FZR1: variants seen among roughly 807,000 people sequenced by gnomAD.
FZR1 encodes fizzy-related protein homolog.
Under a neutral mutation model 63.6 loss-of-function variants are expected in FZR1, and 11 were observed. That is an observed-to-expected ratio of 0.17 (90% CI 0.11 to 0.29). FZR1 has a LOEUF of 0.29. Among genes scored for constraint, FZR1 ranks in the 10% least tolerant of loss-of-function variants. The pLI is 1.00. For missense variants in FZR1, 440 were observed against 687.5 expected (o/e 0.64, Z 4.03); for synonymous variants, 328 against 297.9 (o/e 1.10, Z -1.04).
At position 3,533,578 on chromosome 19, in the gene FZR1, G is replaced by A. The variant is rs1266571429; in HGVS notation, c.1347+180G>A. ...CTGGTTGTGTTGCCAGCGTTGGAAT[G>A]GGCTCTACCGAACTCCCCAGCCCTG... On this transcript the variant is annotated intron_variant, in intron 12 of 13. Transcript: ENST00000441788. The surrounding 1 kb of genome is among the most constrained non-coding windows in gnomAD (Gnocchi z 4.9). 3.4e-6 allele frequency: 2 copies of A among 590,382 alleles called. No homozygotes were observed. Among genetic ancestry groups the A allele is most frequent in the Non-Finnish European group, 6.1e-6 (2 of 328,462 alleles). The allele number at this position is 590,382 out of a possible 1,614,324, so 36.6% of individuals were successfully genotyped here. A position where few individuals can be genotyped will look rare whatever the true frequency, so the allele number is the denominator to read the frequency against.
At chr19:3,530,303 C>A (rs542251671) in intron 7 of FZR1, among the ~76,000 whole-genome samples, 1 of 103,740 alleles carries the variant, frequency 9.6e-6, no homozygotes, top group Non-Finnish European at 2.0e-5. Context: ...CAGGGGAGAG[C>A]GGAGGAGAGA....
At chr19:3,532,174 C>G in intron 10 of FZR1, 79 bp downstream of exon 10, 2 of 1,356,504 alleles carry the variant, frequency 1.5e-6, no homozygotes, top group South Asian at 3.0e-5. Flanking sequence ...AGAGCCTGGG[C>G]TGGGGCGGGC....
chr19:3,525,441 T>TTTTC lies in FZR1; in HGVS notation c.70-424_70-423insCTTT, dbSNP rs1485826761. On this transcript the variant is annotated intron_variant, in intron 2 of 13. Transcript: ENST00000441788. The surrounding 1 kb of genome is among the most constrained non-coding windows in gnomAD (Gnocchi z 4.2). ...CCCCTCCTTGGGTTTTCTTTTTTTT[T>TTTTC]TTTTTTTTTTTTTTTTTTTGAGACG... Among the ~76,000 whole-genome samples the TTTTC allele has an allele frequency of 7.5e-5, 10 of 133,984 alleles. No individual in the cohort carries two copies. Among genetic ancestry groups the TTTTC allele is most frequent in the African/African-American group, 2.3e-4 (8 of 35,370 alleles). 87.9% of individuals were successfully genotyped at this position (133,984 alleles called of 152,430 possible). A position where few individuals can be genotyped will look rare whatever the true frequency, so the allele number is the denominator to read the frequency against.
chr19:3,535,145 CT>C lies in FZR1; in HGVS notation c.*310del, dbSNP rs1168561678. The C allele has an allele frequency of 2.2e-6, 1 of 444,600 alleles. No homozygotes were observed. The highest frequency in any genetic ancestry group is 4.1e-6 in the Non-Finnish European group (1 of 242,014). The allele number at this position is 444,600 out of a possible 1,614,324, so 27.5% of individuals were successfully genotyped here. A position where few individuals can be genotyped will look rare whatever the true frequency, so the allele number is the denominator to read the frequency against. On this transcript the variant is annotated 3_prime_UTR_variant, in exon 14 of 14. Coordinates refer to ENST00000441788, the MANE Select transcript of FZR1 (RefSeq NM_016263.4). ...CTGTACTCAGAGCGACGGATGCCCC[CT>C]GGGACCCTCACTGCCTCCGTCTGTT...
Position 3,525,940 on chromosome 19 carries a change from T to G in FZR1, c.142T>G (p.Phe48Val). ...CTCGCCCAGCAAGCACGGAGACCGC[T>G]TCATCCCCTCCAGAGCCGGAGCCAA... ...VSSPSKHGDR[F>V]IPSRAGANWS... is the part of the protein sequence containing the mutation. Residue 48 changes from phenylalanine to valine, a missense_variant, in exon 3 of 14, where the codon TTC becomes GTC. Phe to Val is a conservative substitution (Grantham distance 50). Around this residue, in one of 5 missense-constraint regions of FZR1, gnomAD observed 200 missense variants for 245.1 expected, o/e 0.82. Coordinates refer to ENST00000441788, the MANE Select transcript of FZR1 (RefSeq NM_016263.4). This position sits in a 1 kb window ranked among gnomAD's most constrained non-coding sequence, Gnocchi z 4.2. The G allele has an allele frequency of 6.2e-7, 1 of 1,612,492 alleles. No homozygotes were observed. Among genetic ancestry groups the G allele is most frequent in the Non-Finnish European group, 8.5e-7 (1 of 1,179,898 alleles).
intron 8 of FZR1, 66 bp downstream of exon 8, chr19:3,530,923 T>G: frequency 7.7e-7 from 1 of 1,292,478 alleles, no homozygotes; most frequent in Non-Finnish European, 1.1e-6. Flanking sequence ...GTTGGGGGCC[T>G]TGAAGACCCA....
chr19:3,526,623 G>A lies in FZR1; in HGVS notation c.387+237G>A, dbSNP rs1599784341. Among the ~76,000 whole-genome samples the A allele has an allele frequency of 6.6e-6, 1 of 152,316 alleles. No homozygotes were observed. Among genetic ancestry groups the A allele is most frequent in the Non-Finnish European group, 1.5e-5 (1 of 68,018 alleles). Reference sequence around the variant, plus strand: ...GGGAGGAATCCAGGCTCAGCCTGTTGGGCTTTTTCTCCCCACACCAATGCT... The same window carrying A: ...GGGAGGAATCCAGGCTCAGCCTGTTAGGCTTTTTCTCCCCACACCAATGCT... On this transcript the variant is annotated intron_variant, in intron 5 of 13. Coordinates refer to ENST00000441788, the MANE Select transcript of FZR1 (RefSeq NM_016263.4). This position sits in a 1 kb window ranked among gnomAD's most constrained non-coding sequence, Gnocchi z 5.4.
intron 1 of FZR1, among the ~76,000 whole-genome samples, chr19:3,519,997 T>G (rs965789579): frequency 6.6e-6 from 1 of 151,546 alleles, no homozygotes; most frequent in African/African-American, 2.4e-5. Flanking sequence ...CTGCGTAGAT[T>G]CCCTGTTCAT....
At chr19:3,531,673 C>G in intron 8 of FZR1, 41 bp from the exon 9 acceptor site, 1 of 1,422,836 alleles carries the variant, frequency 7.0e-7, no homozygotes, top group Non-Finnish European at 9.7e-7. Flanking sequence ...GTCCCCGGGC[C>G]AGACCTGACA....
chr19:3,534,229 A>T (rs1365473458), intron 12 of FZR1, 192 bp from the exon 13 acceptor site: 40 of 107,946 alleles, frequency 3.7e-4, no homozygotes, highest in African/African-American at 1.0e-3. Flanking sequence ...CTTAAAATTA[A>T]AAAAAAAAAA....
At chr19:3,529,897 AGAGTGGTTGAGG>A (rs1213285555) in intron 7 of FZR1, among the ~76,000 whole-genome samples, 4 of 68,046 alleles carry the variant, frequency 5.9e-5, no homozygotes, top group Admixed American at 1.8e-4. Flanking sequence ...AGCGGATGGG[AGAGTGGTTGAGG>A]GAGCGGATGG....
chr19:3,526,359 C>A lies in FZR1; in HGVS notation c.360C>A (p.Ser120=). 6.3e-7 allele frequency: 1 copy of A among 1,597,688 alleles called. No individual in the cohort carries two copies. Among genetic ancestry groups the A allele is most frequent in the East Asian group, 2.3e-5 (1 of 43,792 alleles). Residue 120 remains serine, a synonymous_variant, in exon 5 of 14, where the codon TCC becomes TCA. Transcript: ENST00000441788. The surrounding 1 kb of genome is among the most constrained non-coding windows in gnomAD (Gnocchi z 5.4). Reference sequence around the variant, plus strand: ...CTGAGGACCGCAGGCTGCAGCCCTCCACGCCTGAGAAGAAGGGTCTGTTCA... The same window carrying A: ...CTGAGGACCGCAGGCTGCAGCCCTCAACGCCTGAGAAGAAGGGTCTGTTCA... ...PQTEDRRLQP[S]TPEKKGLFTY...
intron 1 of FZR1, among the ~76,000 whole-genome samples, chr19:3,522,307 T>C (rs1219197071): frequency 6.6e-6 from 1 of 152,218 alleles, no homozygotes; most frequent in East Asian, 1.9e-4. Flanking sequence ...TCACCGCCAC[T>C]TTTCTTCACA....
rs1410370601 is a variant in FZR1, at chr19:3,533,226, TGAGG to T, written c.1243-67_1243-64del. On this transcript the variant is annotated intron_variant, in intron 11 of 13. Coordinates refer to ENST00000441788, the MANE Select transcript of FZR1 (RefSeq NM_016263.4). The surrounding 1 kb of genome is among the most constrained non-coding windows in gnomAD (Gnocchi z 4.9). ...TCACATGGGCTCAGGCGGGTGCATG[TGAGG>T]CAGCAGGCATAGCACCCGGCCTCGT... The T allele has an allele frequency of 3.8e-5, 36 of 958,860 alleles. No individual in the cohort carries two copies. Among genetic ancestry groups the T allele is most frequent in the Non-Finnish European group, 5.4e-5 (32 of 593,370 alleles). The allele number at this position is 958,860 out of a possible 1,614,324, so 59.4% of individuals were successfully genotyped here. A position where few individuals can be genotyped will look rare whatever the true frequency, so the allele number is the denominator to read the frequency against.
chr19:3,530,399 G>C lies in FZR1; in HGVS notation c.655-393G>C, dbSNP rs142629727. ...GGATGGGTGAGCAGATGGGTGAGCG[G>C]ATGGGAGAGCGCATGGGAGAGCGCA... On this transcript the variant is annotated intron_variant, in intron 7 of 13. Coordinates refer to ENST00000441788, the MANE Select transcript of FZR1 (RefSeq NM_016263.4). 2.8e-3 allele frequency among the ~76,000 whole-genome samples: 360 copies of C among 128,232 alleles called. 5 individuals carry two copies. Among genetic ancestry groups the C allele is most frequent in the African/African-American group, 0.011 (330 of 31,138 alleles). The allele number at this position is 128,232 out of a possible 152,430, so 84.1% of individuals were successfully genotyped here.
In FZR1 at chr19:3,514,812, C is replaced by T. The variant is rs1018794763; in HGVS notation, c.-34-8144C>T. On this transcript the variant is annotated intron_variant, in intron 1 of 13. Coordinates refer to ENST00000441788, the MANE Select transcript of FZR1 (RefSeq NM_016263.4). The surrounding 1 kb of genome is among the most constrained non-coding windows in gnomAD (Gnocchi z 4.2). ...CAGGGCGTCTCCCTCTGTACGGGGG[C>T]CCTGTCACTGTTTTGTCAGGTGACT... Among the ~76,000 whole-genome samples, 29 of 152,220 alleles carry T rather than the reference C, an allele frequency of 1.9e-4. No individual in the cohort carries two copies. The highest frequency in any genetic ancestry group is 5.2e-4 in the Admixed American group (8 of 15,284).
intron 1 of FZR1, among the ~76,000 whole-genome samples, chr19:3,511,496 A>T (rs942586935): frequency 2.6e-5 from 4 of 152,266 alleles, no homozygotes; most frequent in African/African-American, 9.6e-5. Flanking sequence ...TGAGCCCAGG[A>T]GTTTGAAACC....
rs1371620376 is a variant in FZR1 at position 3,526,840 on chromosome 19, G to T, written c.388-140G>T. On this transcript the variant is annotated intron_variant, in intron 5 of 13. Coordinates refer to ENST00000441788, the MANE Select transcript of FZR1 (RefSeq NM_016263.4). The surrounding 1 kb of genome is among the most constrained non-coding windows in gnomAD (Gnocchi z 5.4). ...CGCAGTCCCCGCCAGGAAGGCGCCT[G>T]CCTTTTTACAGCTGCTCCACACAGG... The T allele has an allele frequency of 1.5e-6, 1 of 652,938 alleles. No homozygotes were observed. Among genetic ancestry groups the T allele is most frequent in the Non-Finnish European group, 2.7e-6 (1 of 370,294 alleles). 40.4% of individuals were successfully genotyped at this position (652,938 alleles called of 1,614,324 possible).
At chr19:3,511,007 G>C (rs2083020925) in intron 1 of FZR1, among the ~76,000 whole-genome samples, 1 of 152,260 alleles carries the variant, frequency 6.6e-6, no homozygotes, top group South Asian at 2.1e-4. Context: ...GGGACCCGTG[G>C]GTGGGAGCTG....
Sources: gnomAD v4.1 joint callset for allele counts (sites outside exome capture counted in the v4.1 genomes callset) on GRCh38, gnomAD v4.1.1 for gene constraint, gnomAD v4.1.1 regional missense constraint, Gnocchi (gnomAD v3.1) non-coding constraint, MANE v1.5 for transcripts, NCBI Gene and HGNC (gene_info 2026-07-23, HGNC 2026-07-21) for gene names.